HIRA: variants seen among roughly 807,000 people sequenced by gnomAD.
The protein encoded by HIRA is protein HIRA.
In HIRA, 13 loss-of-function variants were observed where a neutral mutation model predicts 126.6. That is an observed-to-expected ratio of 0.10 (90% CI 0.07 to 0.16). HIRA has a LOEUF of 0.16. HIRA is among the 10% of genes least tolerant of loss of function. HIRA has a pLI of 1.00. For missense variants in HIRA, 834 were observed against 1,314.4 expected, an observed-to-expected ratio of 0.63 and a Z score of 5.65; for synonymous variants, 511 against 520.0, an observed-to-expected ratio of 0.98 and a Z score of 0.24.
intron 6 of HIRA, 63 bp downstream of exon 6, chr22:19,397,929 C>T (rs1365692729): frequency 8.0e-7 from 1 of 1,243,338 alleles, no homozygotes; most frequent in African/African-American, 1.5e-5. Context: ...ACAGCCCAAC[C>T]CCTGCTCCAG....
chr22:19,382,845 A>AT (rs2089088445), intron 13 of HIRA, among the ~76,000 whole-genome samples: 1 of 150,552 alleles, frequency 6.6e-6, no homozygotes, highest in African/African-American at 2.5e-5. Context: ...TCTTCACTAT[A>AT]TACACTGGGA....
chr22:19,426,397 T>C (rs2089488583), intron 1 of HIRA, among the ~76,000 whole-genome samples: 1 of 152,228 alleles, frequency 6.6e-6, no homozygotes, highest in Non-Finnish European at 1.5e-5. Context: ...TTTCCCTAAA[T>C]GCTTTCACCC....
chr22:19,339,935 T>C (rs985261070), intron 24 of HIRA, among the ~76,000 whole-genome samples: 6 of 152,182 alleles, frequency 3.9e-5, no homozygotes, highest in African/African-American at 9.6e-5. Context: ...CTGAATTCTA[T>C]TGAACATTCA....
intron 24 of HIRA, among the ~76,000 whole-genome samples, chr22:19,343,889 A>AGG (rs2088659252): frequency 6.9e-6 from 1 of 145,616 alleles, no homozygotes; most frequent in Admixed American, 6.9e-5. Context: ...AAAAAAAAAG[A>AGG]GAGAGAGAGA....
At chr22:19,382,296 T>A (rs1322595134) in intron 13 of HIRA, among the ~76,000 whole-genome samples, 1 of 152,102 alleles carries the variant, frequency 6.6e-6, no homozygotes, top group Non-Finnish European at 1.5e-5. Context: ...CCTGGAAGGA[T>A]CCACAGAACA....
rs1230296818 is a variant in HIRA at position 19,351,020 on chromosome 22, T to C, written c.2937+338A>G. ...TATTTTGTTGACCTAACTGCCTCCC[T>C]GTTTATGTGTGCATCCCTACCAGAC... On this transcript the variant is annotated intron_variant, in intron 24 of 24. Coordinates refer to ENST00000263208, the MANE Select transcript of HIRA (RefSeq NM_003325.4). This position sits in a 1 kb window ranked among gnomAD's most constrained non-coding sequence, Gnocchi z 4.8. 2 of 472,276 alleles carry C rather than the reference T, an allele frequency of 4.2e-6. No homozygotes were observed. Among genetic ancestry groups the C allele is most frequent in the Admixed American group, 6.4e-5 (1 of 15,638 alleles). The allele number at this position is 472,276 out of a possible 1,614,324, so 29.3% of individuals were successfully genotyped here. A position where few individuals can be genotyped will look rare whatever the true frequency, so the allele number is the denominator to read the frequency against.
intron 1 of HIRA, among the ~76,000 whole-genome samples, chr22:19,427,021 A>C (rs907001534): frequency 1.3e-5 from 2 of 152,254 alleles, no homozygotes; most frequent in African/African-American, 4.8e-5. Context: ...TGTCCTCAAG[A>C]AACTTACAGT....
Position 19,385,685 on chromosome 22 carries a change from C to A in HIRA, c.1165G>T (p.Ala389Ser), listed in dbSNP as rs143858430. 1 of 1,614,030 alleles carries A rather than the reference C, an allele frequency of 6.2e-7. No homozygotes were observed. Among genetic ancestry groups the A allele is most frequent in the Non-Finnish European group, 8.5e-7 (1 of 1,180,020 alleles). The part of the protein sequence containing the change: ...YGKSLAIMTE[A>S]QLSTAVIENP... ...TCAATGACGGCTGTGGAGAGCTGGG[C>A]CTCGGTCATGATGGCTAGGCTCTTG... The change falls in exon 12 of 25, where the codon GCC becomes TCC. Residue 389 changes from alanine (A) to serine (S), a missense_variant. By Grantham distance (99) the Ala-to-Ser change is moderately conservative. This residue lies in a region of HIRA where 153 missense variants were observed against 270.6 expected (regional missense o/e 0.57). Transcript: ENST00000263208.
At chr22:19,415,849 A>C (rs1171640177) in intron 1 of HIRA, among the ~76,000 whole-genome samples, 1 of 152,182 alleles carries the variant, frequency 6.6e-6, no homozygotes, top group Non-Finnish European at 1.5e-5. Context: ...AATCCCTATG[A>C]AAATCCCAAT....
intron 24 of HIRA, among the ~76,000 whole-genome samples, chr22:19,337,213 G>C (rs530030325): frequency 2.2e-4 from 34 of 151,370 alleles, no homozygotes; most frequent in Admixed American, 1.7e-3. Flanking sequence ...TACTCAAGGA[G>C]ATACCAAAGG....
chr22:19,331,824 C>T lies in HIRA; in HGVS notation c.2938-268G>A, dbSNP rs565760565. ...ATCCGTGGGCACAGCCACTGCTGAC[C>T]TTATAGTGACTGAGCAGTTCCCTGA... On this transcript the variant is annotated intron_variant, in intron 24 of 24. Coordinates refer to ENST00000263208, the MANE Select transcript of HIRA (RefSeq NM_003325.4). 2.6e-5 allele frequency among the ~76,000 whole-genome samples: 4 copies of T among 152,292 alleles called. No homozygotes were observed. The East Asian group carries it at 7.7e-4, about 29-fold the overall frequency.
At chr22:19,360,486 C>T (rs564984512) in intron 17 of HIRA, among the ~76,000 whole-genome samples, 2 of 152,292 alleles carry the variant, frequency 1.3e-5, no homozygotes, top group African/African-American at 4.8e-5. Flanking sequence ...CCAGAAGGAC[C>T]TATGGTAGGA....
intron 5 of HIRA, among the ~76,000 whole-genome samples, chr22:19,399,774 C>T (rs965802168): frequency 2.0e-5 from 3 of 152,170 alleles, no homozygotes; most frequent in Non-Finnish European, 4.4e-5. Flanking sequence ...TTATTCAATA[C>T]AATTTTATAT....
chr22:19,410,984 A>T (rs999753057), intron 1 of HIRA, among the ~76,000 whole-genome samples: 4 of 152,210 alleles, frequency 2.6e-5, no homozygotes, highest in Non-Finnish European at 5.9e-5. Context: ...GCCATCTTGT[A>T]GGGATGTGTG....
In HIRA at chr22:19,422,169, T is replaced by TAC. The variant is rs762601560; in HGVS notation, c.37+9270_37+9271insGT. 1.5e-3 allele frequency among the ~76,000 whole-genome samples: 165 copies of TAC among 111,640 alleles called. 2 individuals are homozygous for TAC. The highest frequency in any genetic ancestry group is 4.6e-3 in the Middle Eastern group (1 of 218). 73.2% of individuals were successfully genotyped at this position (111,640 alleles called of 152,430 possible). On this transcript the variant is annotated intron_variant, in intron 1 of 24. Transcript: ENST00000263208. ...TATACCTGAAAAGAATGTGTTTATA[T>TAC]ATACACACACACACACACACACACA...
intron 1 of HIRA, among the ~76,000 whole-genome samples, chr22:19,415,167 CT>C (rs1258586524): frequency 6.6e-6 from 1 of 152,062 alleles, no homozygotes; most frequent in African/African-American, 2.4e-5. Context: ...ACAACATAAT[CT>C]TAAATGTAGA....
chr22:19,410,805 TA>T, intron 1 of HIRA, 27 bp from the exon 2 acceptor site: 1 of 1,590,908 alleles, frequency 6.3e-7, no homozygotes. Flanking sequence ...AAAAATACAG[TA>T]TCTAAATTGG....
intron 15 of HIRA, among the ~76,000 whole-genome samples, chr22:19,362,406 G>A (rs1464373325): frequency 1.3e-5 from 2 of 151,934 alleles, no homozygotes; most frequent in African/African-American, 4.8e-5. Context: ...GAAAGAGTGG[G>A]GAACTCTTTC....
chr22:19,397,060 A>G (rs2089229828), intron 6 of HIRA, 113 bp from the exon 7 acceptor site: 1 of 925,912 alleles, frequency 1.1e-6, no homozygotes, highest in Non-Finnish European at 1.7e-6. Context: ...TGCCATGGCC[A>G]GCCCCCACAC....
Sources: allele counts gnomAD v4.1 joint callset (sites outside exome capture counted in the v4.1 genomes callset), GRCh38; gene constraint gnomAD v4.1.1; regional missense constraint gnomAD v4.1.1; non-coding constraint Gnocchi (gnomAD v3.1); transcripts MANE v1.5; gene names NCBI Gene and HGNC (gene_info 2026-07-23, HGNC 2026-07-21).